Variants in IL1RAPL2 observed in about 807,000 individuals in gnomAD.
IL1RAPL2 encodes the protein interleukin 1 receptor accessory protein like 2.
A neutral mutation model predicts 44.1 loss-of-function variants in IL1RAPL2; 3 were observed. The observed-to-expected ratio is 0.07, with a 90% CI of 0.03 to 0.18. The LOEUF (loss-of-function observed/expected upper bound fraction) is 0.18. Ranked by LOEUF, IL1RAPL2 falls within the 10% of genes least tolerant of loss-of-function variation. The probability of loss-of-function intolerance (pLI) is 1.00; values close to 1 mark genes in which losing one functional copy is unlikely to be tolerated. For missense variants in IL1RAPL2, 391 were observed against 496.4 expected (o/e 0.79, Z 2.02); for synonymous variants, 181 against 178.8 (o/e 1.01, Z -0.10).
chrX:105,406,082 G>T, intron 5 of IL1RAPL2: 1 of 1,200,813 alleles, frequency 8.3e-7, no homozygotes, highest in Non-Finnish European at 1.1e-6. Context: ...CCAGGTTGTA[G>T]CATGCATCTT....
intron 2 of IL1RAPL2, among the ~76,000 whole-genome samples, chrX:104,971,091 T>A (rs772858452): frequency 8.9e-6 from 1 of 112,161 alleles, no homozygotes; most frequent in Non-Finnish European, 1.9e-5. Flanking sequence ...GTGACACCTG[T>A]AATCCCAGCA....
At chrX:104,897,802 C>T in intron 2 of IL1RAPL2, among the ~76,000 whole-genome samples, 1 of 112,054 alleles carries the variant, frequency 8.9e-6, no homozygotes, top group East Asian at 2.8e-4. Context: ...CCAAAAGTGC[C>T]ATGGACATCA....
intron 2 of IL1RAPL2, among the ~76,000 whole-genome samples, chrX:104,957,462 T>G (rs746404360): frequency 3.3e-3 from 366 of 111,143 alleles, no homozygotes; most frequent in Non-Finnish European, 5.3e-3. Context: ...CAGCTGGGGG[T>G]TCAGAGGGAG....
intron 2 of IL1RAPL2, among the ~76,000 whole-genome samples, chrX:104,963,710 C>G (rs1484314119): frequency 9.0e-6 from 1 of 111,116 alleles, no homozygotes; most frequent in East Asian, 2.8e-4. Context: ...AACAAAGTGC[C>G]TCATTTTTTG....
chrX:105,591,532 A>G (rs2037171457), intron 6 of IL1RAPL2, among the ~76,000 whole-genome samples: 2 of 110,756 alleles, frequency 1.8e-5, no homozygotes, highest in African/African-American at 6.6e-5. Context: ...AGATCTTTCT[A>G]ACTTTTTTAT....
Position 105,195,697 on chromosome X carries a change from G to T in IL1RAPL2, c.305G>T (p.Trp102Leu). 1.7e-6 allele frequency: 2 copies of T among 1,211,613 alleles called. No individual in the cohort carries two copies. Among genetic ancestry groups the T allele is most frequent in the Non-Finnish European group, 2.2e-6 (2 of 895,255 alleles). Residue 102 changes from tryptophan to leucine, a missense_variant, in exon 3 of 11, where the codon TGG becomes TTG. Transcript: ENST00000372582. Reference protein sequence around the residue: ...VRMSKEEDSIWFHSAEAQDSG... With the variant: ...VRMSKEEDSILFHSAEAQDSG... Reference sequence around the variant, plus strand: ...ATGAGCAAAGAGGAAGATTCAATATGGTTTCACTCAGCTGAGGCACAAGAC... The same window carrying T: ...ATGAGCAAAGAGGAAGATTCAATATTGTTTCACTCAGCTGAGGCACAAGAC...
At chrX:104,946,947 G>T (rs781335434) in intron 2 of IL1RAPL2, among the ~76,000 whole-genome samples, 21 of 93,925 alleles carry the variant, frequency 2.2e-4, no homozygotes, top group East Asian at 7.1e-4. Context: ...GGGATGGCTG[G>T]GTCAAATGGT....
chrX:105,200,625 T>C (rs140774948), intron 3 of IL1RAPL2, among the ~76,000 whole-genome samples: 27 of 112,294 alleles, frequency 2.4e-4, no homozygotes, highest in African/African-American at 8.4e-4. Flanking sequence ...TTGAAAAGAA[T>C]GATTGGCCAG....
intron 6 of IL1RAPL2, among the ~76,000 whole-genome samples, chrX:105,600,497 A>G (rs1296695818): frequency 9.2e-6 from 1 of 109,259 alleles, no homozygotes; most frequent in East Asian, 2.8e-4. Context: ...AATCTTAACT[A>G]TCAATTAATA....
At chrX:105,246,610 G>T (rs754733048) in intron 4 of IL1RAPL2, among the ~76,000 whole-genome samples, 28 of 111,491 alleles carry the variant, frequency 2.5e-4, no homozygotes, top group African/African-American at 8.1e-4. Flanking sequence ...ATGGATAAGG[G>T]GTTGAATTTC....
intron 6 of IL1RAPL2, among the ~76,000 whole-genome samples, chrX:105,529,298 A>AT (rs1367227071): frequency 9.0e-6 from 1 of 111,178 alleles, no homozygotes. Context: ...CTATAAAAGC[A>AT]TTTTTTTATC....
intron 2 of IL1RAPL2, among the ~76,000 whole-genome samples, chrX:105,180,344 C>CAAA (rs1447517527): frequency 2.0e-5 from 2 of 100,835 alleles, no homozygotes; most frequent in African/African-American, 8.0e-5. Context: ...TCTCAAAAAA[C>CAAA]AAAAACAAAA....
At chrX:105,452,853 T>G (rs976797918) in intron 5 of IL1RAPL2, among the ~76,000 whole-genome samples, 3 of 112,111 alleles carry the variant, frequency 2.7e-5, no homozygotes, top group African/African-American at 6.5e-5. Context: ...CCTGACAGAT[T>G]TGGTGTTGGA....
At chrX:104,780,874 G>A (rs1932767501) in intron 2 of IL1RAPL2, among the ~76,000 whole-genome samples, 1 of 111,070 alleles carries the variant, frequency 9.0e-6, no homozygotes, top group Non-Finnish European at 1.9e-5. Context: ...TATTATTTGT[G>A]TATTCTAAGG....
intron 1 of IL1RAPL2, among the ~76,000 whole-genome samples, chrX:104,590,145 A>C (rs1290750428): frequency 9.0e-6 from 1 of 111,344 alleles, no homozygotes; most frequent in Non-Finnish European, 1.9e-5. Flanking sequence ...CCCGGGTTCA[A>C]GTGATTCTCC....
chrX:104,989,510 G>T (rs971480490), intron 2 of IL1RAPL2, among the ~76,000 whole-genome samples: 2 of 111,499 alleles, frequency 1.8e-5, no homozygotes, highest in Non-Finnish European at 3.8e-5. Context: ...AGCATATTTT[G>T]CTCCCTTGGA....
intron 2 of IL1RAPL2, among the ~76,000 whole-genome samples, chrX:104,798,485 T>A (rs1932864885): frequency 2.1e-5 from 2 of 96,265 alleles, no homozygotes; most frequent in Admixed American, 2.3e-4. Context: ...AGTGAAACCC[T>A]GTCTCTACTA....
intron 5 of IL1RAPL2, among the ~76,000 whole-genome samples, chrX:105,451,596 A>T (rs2036020022): frequency 8.9e-6 from 1 of 111,917 alleles, no homozygotes; most frequent in Non-Finnish European, 1.9e-5. Flanking sequence ...GGCTTTAGGC[A>T]TGCCTCAAGT....
intron 2 of IL1RAPL2, among the ~76,000 whole-genome samples, chrX:105,174,764 G>A (rs1296091048): frequency 1.8e-5 from 2 of 111,518 alleles, no homozygotes; most frequent in African/African-American, 6.5e-5. Flanking sequence ...GTACGCTCTG[G>A]CTGAGTCCCG....
Sources: gnomAD v4.1 joint callset for allele counts (sites outside exome capture counted in the v4.1 genomes callset) on GRCh38, gnomAD v4.1.1 for gene constraint, MANE v1.5 for transcripts, NCBI Gene and HGNC (gene_info 2026-07-23, HGNC 2026-07-21) for gene names.